GOLGA4: variants seen among roughly 807,000 people sequenced by gnomAD.
GOLGA4 encodes golgin A4, also known as golgin subfamily A member 4.
In GOLGA4, 169 loss-of-function variants were observed where a neutral mutation model predicts 265.9. The observed-to-expected ratio is 0.64, with a 90% CI of 0.56 to 0.72. GOLGA4 has a LOEUF of 0.72. Among genes scored for constraint, GOLGA4 ranks in the 30% least tolerant of loss-of-function variants. GOLGA4 has a pLI of 0.00. For synonymous variants in GOLGA4, 923 were observed against 855.8 expected (o/e 1.08, Z -1.37); for missense variants, 2,482 against 2,483.4 (o/e 1.00, Z 0.01).
intron 2 of GOLGA4, among the ~76,000 whole-genome samples, chr3:37,254,652 G>A (rs558460700): frequency 2.0e-5 from 3 of 151,744 alleles, no homozygotes; most frequent in South Asian, 2.1e-4. Context: ...GAGACTATTC[G>A]CCACCATGCC....
At chr3:37,322,583 A>G (rs944936716) in intron 13 of GOLGA4, among the ~76,000 whole-genome samples, 2 of 152,178 alleles carry the variant, frequency 1.3e-5, no homozygotes, top group African/African-American at 2.4e-5. Flanking sequence ...AAAAGGTTCC[A>G]TGGTGGGTGA....
intron 16 of GOLGA4, among the ~76,000 whole-genome samples, chr3:37,333,747 T>C (rs140754682): frequency 8.5e-5 from 13 of 152,250 alleles, no homozygotes; most frequent in Middle Eastern, 3.4e-3. Flanking sequence ...TGGGAAGATA[T>C]CTAAGATATC....
intron 2 of GOLGA4, among the ~76,000 whole-genome samples, chr3:37,262,107 A>G (rs1268193184): frequency 2.6e-5 from 4 of 152,246 alleles, no homozygotes; most frequent in African/African-American, 9.6e-5. Flanking sequence ...TTCTTCCATA[A>G]GAAAAAGGAA....
At chr3:37,276,488 T>C (rs2096819227) in intron 2 of GOLGA4, 1 of 1,609,982 alleles carries the variant, frequency 6.2e-7, no homozygotes. Context: ...ATGTGGCAAA[T>C]GTAAAAAGAA....
intron 23 of GOLGA4, among the ~76,000 whole-genome samples, chr3:37,363,293 C>A (rs1696478056): frequency 6.6e-6 from 1 of 152,058 alleles, no homozygotes; most frequent in Admixed American, 6.5e-5. Context: ...TATAGCTAAC[C>A]CATTAAGTCT....
intron 11 of GOLGA4, among the ~76,000 whole-genome samples, chr3:37,317,460 G>C (rs531543222): frequency 6.6e-6 from 1 of 152,278 alleles, no homozygotes; most frequent in East Asian, 1.9e-4. Flanking sequence ...GTGAGCCACT[G>C]TGCCTGGCCT....
chr3:37,321,874 G>GGTT lies in GOLGA4; in HGVS notation c.1689_1690insGTT (p.Glu563_Thr564insVal). Reference sequence around the variant, plus strand: ...TTCGGGACCTTCAGCAAGAAGCAGAGACTTACAGAACTGTAAGTTTTAATA... The same window carrying GGTT: ...TTCGGGACCTTCAGCAAGAAGCAGAGGTTACTTACAGAACTGTAAGTTTTAATA... On this transcript the variant is annotated inframe_insertion, in exon 13 of 24. Coordinates refer to ENST00000361924, the MANE Select transcript of GOLGA4 (RefSeq NM_002078.5). The GGTT allele has an allele frequency of 6.2e-7, 1 of 1,601,552 alleles. No individual in the cohort carries two copies. Among genetic ancestry groups the GGTT allele is most frequent in the Non-Finnish European group, 8.5e-7 (1 of 1,176,642 alleles).
intron 14 of GOLGA4, 125 bp from the exon 15 acceptor site, chr3:37,328,291 C>A: frequency 1.2e-6 from 1 of 857,658 alleles, no homozygotes. Context: ...CTCTCTCTCT[C>A]TCTCTCTCTC....
At chr3:37,363,293 C>T (rs1696478056) in intron 23 of GOLGA4, among the ~76,000 whole-genome samples, 2 of 152,058 alleles carry the variant, frequency 1.3e-5, no homozygotes, top group Non-Finnish European at 1.5e-5. Flanking sequence ...TATAGCTAAC[C>T]CATTAAGTCT....
chr3:37,290,538 T>G (rs1202348861), intron 5 of GOLGA4, among the ~76,000 whole-genome samples: 1 of 152,230 alleles, frequency 6.6e-6, no homozygotes, highest in East Asian at 1.9e-4. Context: ...CAGGCTAATT[T>G]ACTTTTGTTA....
chr3:37,248,972 G>C (rs1382081296), intron 1 of GOLGA4, among the ~76,000 whole-genome samples: 2 of 152,118 alleles, frequency 1.3e-5, no homozygotes, highest in African/African-American at 4.8e-5. Context: ...TTAGTCAAGA[G>C]GTATTTCCTG....
At chr3:37,333,326 C>T (rs2096997660) in intron 16 of GOLGA4, among the ~76,000 whole-genome samples, 1 of 152,098 alleles carries the variant, frequency 6.6e-6, no homozygotes. Context: ...TATGTATATA[C>T]ATAAAGATTC....
At chr3:37,362,206 TTTATTTA>T (rs1353990534) in intron 23 of GOLGA4, among the ~76,000 whole-genome samples, 3 of 31,998 alleles carry the variant, frequency 9.4e-5, no homozygotes, top group African/African-American at 1.4e-4. Flanking sequence ...CTTTTATTTA[TTTATTTA>T]TTTATTTATT....
chr3:37,295,034 CT>C lies in GOLGA4; in HGVS notation c.641del (p.Leu214Ter). ...KKHLQEEFDA[S>X]LEEKDQYISV... The stretch of plus-strand genomic sequence containing the variant: ...CATCTGCAAGAGGAGTTTGATGCAT[CT>C]TTAGAGGAGAAAGATCAGTATATCA... On this transcript the variant is annotated frameshift_variant, in exon 6 of 24. Coordinates refer to ENST00000361924, the MANE Select transcript of GOLGA4 (RefSeq NM_002078.5). LOFTEE classifies it high-confidence loss of function. 6.2e-7 allele frequency: 1 copy of C among 1,609,050 alleles called. No individual in the cohort carries two copies. Among genetic ancestry groups the C allele is most frequent in the Non-Finnish European group, 8.5e-7 (1 of 1,176,280 alleles).
chr3:37,302,424 T>C, intron 10 of GOLGA4, 92 bp downstream of exon 10: 1 of 1,098,136 alleles, frequency 9.1e-7, no homozygotes, highest in African/African-American at 1.6e-5. Context: ...TAAATATTGA[T>C]AAAAATTCTT....
At chr3:37,250,616 T>C (rs2096731206) in intron 1 of GOLGA4, 1 of 152,300 alleles carries the variant, frequency 6.6e-6, no homozygotes, top group East Asian at 1.9e-4. Flanking sequence ...AGGTAAGATA[T>C]CATGACTCAT....
In GOLGA4 at chr3:37,285,943, A is replaced by AT. The variant is rs984557169; in HGVS notation, c.478-65dup. ...TTATTTTTTGACTTTCATAAAGAGAATTTTTTAGTGGACTTTAGAATAATT... is the reference window on the plus strand; with the variant it reads ...TTATTTTTTGACTTTCATAAAGAGAATTTTTTTAGTGGACTTTAGAATAATT... On this transcript the variant is annotated intron_variant, in intron 3 of 23. Transcript: ENST00000361924. 3 of 906,492 alleles carry AT rather than the reference A, an allele frequency of 3.3e-6. No homozygotes were observed. The African/African-American group carries it at 5.0e-5, about 15-fold the overall frequency. 56.2% of individuals were successfully genotyped at this position (906,492 alleles called of 1,614,324 possible).
rs2096974155 is a variant in GOLGA4 at position 37,327,185 on chromosome 3, T to C, written c.5299T>C (p.Phe1767Leu). The stretch of plus-strand genomic sequence containing the variant: ...AAAAGAAGAGACAGTTTCTTCTCAT[T>C]TTGAAATGCGATGCCAATACCAGGA... ...QEKEETVSSHFEMRCQYQERL... is the reference protein window; with the variant it reads ...QEKEETVSSHLEMRCQYQERL... Residue 1767 changes from phenylalanine to leucine, a missense_variant, in exon 14 of 24, where the codon TTT (phenylalanine) becomes CTT (leucine). Coordinates refer to ENST00000361924, the MANE Select transcript of GOLGA4 (RefSeq NM_002078.5). The C allele has an allele frequency of 2.5e-6, 4 of 1,613,770 alleles. No homozygotes were observed. Among genetic ancestry groups the C allele is most frequent in the Non-Finnish European group, 3.4e-6 (4 of 1,179,864 alleles).
chr3:37,324,616 A>T lies in GOLGA4; in HGVS notation c.2730A>T (p.Glu910Asp), dbSNP rs1482803774. ...EQTKQILVEKENMILQMREGQ... is the reference protein window; with the variant it reads ...EQTKQILVEKDNMILQMREGQ... The stretch of plus-strand genomic sequence containing the variant: ...CAAAGCAAATCTTGGTGGAAAAGGA[A>T]AATATGATTTTACAAATGAGAGAAG... The change falls in exon 14 of 24, where the codon GAA becomes GAT. Residue 910 changes from glutamate (E) to aspartate (D), a missense_variant. Glu to Asp is a conservative substitution (Grantham distance 45). This residue lies in a region of GOLGA4 where 1,536 missense variants were observed against 1,483.7 expected (regional missense o/e 1.04). Coordinates refer to ENST00000361924, the MANE Select transcript of GOLGA4 (RefSeq NM_002078.5). 1.2e-6 allele frequency: 2 copies of T among 1,613,504 alleles called. No individual in the cohort carries two copies. The highest frequency in any genetic ancestry group is 2.7e-5 in the African/African-American group (2 of 75,054).
Sources: gnomAD v4.1 joint callset for allele counts (sites outside exome capture counted in the v4.1 genomes callset) on GRCh38, gnomAD v4.1.1 for gene constraint, gnomAD v4.1.1 regional missense constraint, MANE v1.5 for transcripts, NCBI Gene and HGNC (gene_info 2026-07-23, HGNC 2026-07-21) for gene names.